CIAPIN1: variants seen among roughly 807,000 people sequenced by gnomAD.
CIAPIN1 encodes the protein cytokine induced apoptosis inhibitor 1.
CIAPIN1 carries 18 observed loss-of-function variants against 34.3 expected under a neutral mutation model. That is an observed-to-expected ratio of 0.52 (90% confidence interval 0.36 to 0.78). The LOEUF is 0.78. Among genes scored for constraint, CIAPIN1 ranks in the 30% least tolerant of loss-of-function variants. The probability of loss-of-function intolerance (pLI) is 0.00; values close to 1 mark genes in which losing one functional copy is unlikely to be tolerated. For synonymous variants in CIAPIN1, 131 were observed against 140.4 expected, an observed-to-expected ratio of 0.93 and a Z score of 0.47; for missense variants, 310 against 372.5, an observed-to-expected ratio of 0.83 and a Z score of 1.38.
At position 57,429,191 on chromosome 16, in the gene CIAPIN1, A is replaced by G. The variant is rs763334944; in HGVS notation, c.918T>C (p.Asp306=). 1 of 1,612,756 alleles carries G rather than the reference A, an allele frequency of 6.2e-7. No individual in the cohort carries two copies. Among genetic ancestry groups the G allele is most frequent in the South Asian group, 1.1e-5 (1 of 91,018 alleles). The part of the protein sequence containing the change: ...FKPGEKVLLS[D]SNLHDA ...CCTCCTAGGCATCATGAAGATTGCT[A>G]TCACTCAGAAGCACCTTTTCCCCAG... Residue 306 remains aspartate (D), a synonymous_variant, in exon 9 of 9, where the codon GAT becomes GAC. Transcript: ENST00000394391.
At chr16:57,439,025 T>C (rs568330393) in intron 3 of CIAPIN1, among the ~76,000 whole-genome samples, 157 bp downstream of exon 3, 15 of 152,366 alleles carry the variant, frequency 9.8e-5, no homozygotes, top group South Asian at 4.1e-4. Flanking sequence ...TCTCCAGATA[T>C]GTTGCTTCAG....
At position 57,434,069 on chromosome 16, in the gene CIAPIN1, G is replaced by T. The variant is rs141071676; in HGVS notation, c.531C>A (p.Ser177=). 2 of 1,614,036 alleles carry T rather than the reference G, an allele frequency of 1.2e-6. No homozygotes were observed. Among genetic ancestry groups the T allele is most frequent in the Non-Finnish European group, 1.7e-6 (2 of 1,179,972 alleles). The part of the protein sequence containing the change: ...EVGSSRQLKL[S]ITKKSSPSVK... Reference sequence around the variant, plus strand: ...CTGAAGGAGAAGACTTCTTGGTGATGGAAAGCTTAAGCTGCCTAGAAGAAC... The same window carrying T: ...CTGAAGGAGAAGACTTCTTGGTGATTGAAAGCTTAAGCTGCCTAGAAGAAC... The change falls in exon 5 of 9, where the codon TCC becomes TCA. Residue 177 remains serine (S), a synonymous_variant. Transcript: ENST00000394391.
chr16:57,445,853 T>G (rs1226585688), intron 1 of CIAPIN1, among the ~76,000 whole-genome samples: 80 of 137,434 alleles, frequency 5.8e-4, no homozygotes, highest in African/African-American at 1.4e-3. Context: ...TTTTTTTTTT[T>G]TTTTTTTTTT....
chr16:57,442,828 G>C (rs1464751996), intron 1 of CIAPIN1, among the ~76,000 whole-genome samples: 1 of 152,128 alleles, frequency 6.6e-6, no homozygotes. Flanking sequence ...TTATTTGCTA[G>C]ACTGATGTCA....
chr16:57,429,016 C>G lies in CIAPIN1; in HGVS notation c.*154G>C, dbSNP rs1385612356. On this transcript the variant is annotated 3_prime_UTR_variant, in exon 9 of 9. Transcript: ENST00000394391. The stretch of plus-strand genomic sequence containing the variant: ...CACAGCAGCACTACACACCACTGTG[C>G]CCCCCAGCCAGCTTCACTCTGTCTG... 1.7e-6 allele frequency: 1 copy of G among 599,684 alleles called. No individual in the cohort carries two copies. Among genetic ancestry groups the G allele is most frequent in the Non-Finnish European group, 3.0e-6 (1 of 329,170 alleles). The allele number at this position is 599,684 out of a possible 1,614,324, so 37.1% of individuals were successfully genotyped here. A position where few individuals can be genotyped will look rare whatever the true frequency, so the allele number is the denominator to read the frequency against.
chr16:57,438,665 T>A (rs1396562176), intron 3 of CIAPIN1, among the ~76,000 whole-genome samples: 7 of 152,324 alleles, frequency 4.6e-5, no homozygotes, highest in African/African-American at 1.4e-4. Flanking sequence ...CACAGAATTG[T>A]TCTATCACCA....
chr16:57,436,527 C>T (rs926265451), intron 4 of CIAPIN1, 129 bp downstream of exon 4: 17 of 596,974 alleles, frequency 2.8e-5, no homozygotes, highest in African/African-American at 2.0e-4. Flanking sequence ...CACACCCGGC[C>T]GATTCTCCCA....
At chr16:57,445,834 GTTTTTTTTTTTTTTTTTT>G (rs751037117) in intron 1 of CIAPIN1, among the ~76,000 whole-genome samples, 5 of 70,450 alleles carry the variant, frequency 7.1e-5, no homozygotes, top group Admixed American at 2.1e-4. Context: ...GACCTTAGAG[GTTTTTTTTTTTTTTTTTT>G]TTTTTTTTTT....
intron 3 of CIAPIN1, among the ~76,000 whole-genome samples, chr16:57,437,714 C>T (rs1487843988): frequency 4.6e-5 from 7 of 151,718 alleles, no homozygotes; most frequent in Non-Finnish European, 7.4e-5. Context: ...TTTGTAGAGA[C>T]GGGGTTTCGC....
intron 3 of CIAPIN1, 96 bp from the exon 4 acceptor site, chr16:57,436,828 A>G (rs186802479): frequency 1.1e-6 from 1 of 926,048 alleles, no homozygotes; most frequent in East Asian, 2.9e-5. Flanking sequence ...CATTCAAACA[A>G]TAATAACCAG....
At chr16:57,443,362 C>T (rs1258678586) in intron 1 of CIAPIN1, among the ~76,000 whole-genome samples, 1 of 152,120 alleles carries the variant, frequency 6.6e-6, no homozygotes. Flanking sequence ...TGGTCTTGAA[C>T]TCCCAGCCTC....
intron 2 of CIAPIN1, among the ~76,000 whole-genome samples, chr16:57,439,850 C>T (rs568405482): frequency 2.0e-5 from 3 of 152,096 alleles, no homozygotes; most frequent in African/African-American, 7.2e-5. Flanking sequence ...GTGATGATTG[C>T]GTTAACTGCA....
At position 57,440,287 on chromosome 16, in the gene CIAPIN1, C is replaced by T. The variant is rs186428516; in HGVS notation, c.157+485G>A. Reference sequence around the variant, plus strand: ...TGATAAGATGTTATCTATGACAATGCGTGCCCGAAACTTTATTAGCAATTT... The same window carrying T: ...TGATAAGATGTTATCTATGACAATGTGTGCCCGAAACTTTATTAGCAATTT... On this transcript the variant is annotated intron_variant, in intron 2 of 8. Transcript: ENST00000394391. 4.1e-4 allele frequency among the ~76,000 whole-genome samples: 62 copies of T among 152,292 alleles called. No homozygotes were observed. In the East Asian group the frequency reaches 6.8e-3, roughly 17 times the overall value.
chr16:57,439,210 A>G lies in CIAPIN1; in HGVS notation c.282T>C (p.Phe94=), dbSNP rs1180015391. The change falls in exon 3 of 9, where the codon TTT becomes TTC. Residue 94 remains phenylalanine (F), a synonymous_variant. Transcript: ENST00000394391. ...ARILRPGGCL[F]LKEPVETAVD... is the part of the protein sequence containing the mutation. ...CAGCTGTCTCTACTGGCTCCTTCAG[A>G]AAAAGACATCCACCAGGCCGAAGGA... 1 of 1,614,052 alleles carries G rather than the reference A, an allele frequency of 6.2e-7. No homozygotes were observed.
chr16:57,432,723 T>C (rs1271141691), intron 5 of CIAPIN1, among the ~76,000 whole-genome samples, 163 bp from the exon 6 acceptor site: 1 of 152,272 alleles, frequency 6.6e-6, no homozygotes, highest in Non-Finnish European at 1.5e-5. Flanking sequence ...AGGTCTGACC[T>C]TGGGCCAACC....
At chr16:57,432,801 A>G (rs1001079266) in intron 5 of CIAPIN1, among the ~76,000 whole-genome samples, 2 of 152,178 alleles carry the variant, frequency 1.3e-5, no homozygotes, top group African/African-American at 4.8e-5. Flanking sequence ...CATATTAAGC[A>G]CTTATATACA....
In CIAPIN1 at chr16:57,429,578, G is replaced by A. The variant is rs183851072; in HGVS notation, c.829-298C>T. 3.0e-3 allele frequency among the ~76,000 whole-genome samples: 418 copies of A among 140,250 alleles called. 2 individuals are homozygous for A. The Middle Eastern group carries it at 0.051, about 17-fold the overall frequency. The allele number at this position is 140,250 out of a possible 152,430, so 92.0% of individuals were successfully genotyped here. A position where few individuals can be genotyped will look rare whatever the true frequency, so the allele number is the denominator to read the frequency against. On this transcript the variant is annotated intron_variant, in intron 8 of 8. Coordinates refer to ENST00000394391, the MANE Select transcript of CIAPIN1 (RefSeq NM_020313.4). ...GCGATCTCAGCTCACTGCAAGCTTC[G>A]CCTCCTGGGTTCCCGCCATTCTCCT...
chr16:57,443,155 G>A (rs114949548), intron 1 of CIAPIN1, among the ~76,000 whole-genome samples: 4,404 of 148,184 alleles, frequency 0.03, 208 homozygotes, highest in African/African-American at 0.1. Flanking sequence ...TTTTTGCGGG[G>A]GTGGTGGGGA....
intron 1 of CIAPIN1, among the ~76,000 whole-genome samples, chr16:57,442,111 C>T (rs147912918): frequency 0.025 from 3,756 of 152,258 alleles, 77 homozygotes; most frequent in Non-Finnish European, 0.034. Context: ...TTTAGGAAGC[C>T]GAGCCAGGCG....
Sources: allele counts gnomAD v4.1 joint callset (sites outside exome capture counted in the v4.1 genomes callset), GRCh38; gene constraint gnomAD v4.1.1; transcripts MANE v1.5; gene names NCBI Gene and HGNC (gene_info 2026-07-23, HGNC 2026-07-21).